KIT: variants seen among roughly 807,000 people sequenced by gnomAD.
KIT encodes the protein mast/stem cell growth factor receptor Kit.
In KIT, 16 loss-of-function variants were observed where a neutral mutation model predicts 105.7. That is an observed-to-expected ratio of 0.15 (90% CI 0.10 to 0.23). The LOEUF (loss-of-function observed/expected upper bound fraction) is 0.23. Ranked by LOEUF, KIT falls within the 10% of genes least tolerant of loss-of-function variation. The pLI is 1.00. For synonymous variants in KIT, 438 were observed against 441.1 expected, an observed-to-expected ratio of 0.99 and a Z score of 0.09; for missense variants, 858 against 1,213.8, an observed-to-expected ratio of 0.71 and a Z score of 4.36.
chr4:54,724,455 G>T (rs4864920), intron 8 of KIT, among the ~76,000 whole-genome samples: 46,616 of 152,018 alleles, frequency 0.31, 9,369 homozygotes, highest in African/African-American at 0.57. Context: ...TTCAGCTGGG[G>T]TTTAGGAGAG....
At chr4:54,658,875 G>T (rs1474481456) in intron 1 of KIT, among the ~76,000 whole-genome samples, 1 of 152,174 alleles carries the variant, frequency 6.6e-6, no homozygotes, top group African/African-American at 2.4e-5. Flanking sequence ...CCTTTCTGCC[G>T]CGGCGCCGTT....
At chr4:54,722,377 T>G (rs1365528162) in intron 7 of KIT, among the ~76,000 whole-genome samples, 1 of 152,136 alleles carries the variant, frequency 6.6e-6, no homozygotes, top group Non-Finnish European at 1.5e-5. Context: ...TCAATATCCC[T>G]ATGAGAGGGG....
At chr4:54,716,028 C>A (rs1721470344) in intron 7 of KIT, among the ~76,000 whole-genome samples, 1 of 152,106 alleles carries the variant, frequency 6.6e-6, no homozygotes, top group Non-Finnish European at 1.5e-5. Flanking sequence ...TTTTTCTTTC[C>A]ATTTTTTAAA....
intron 1 of KIT, among the ~76,000 whole-genome samples, chr4:54,689,821 C>T (rs949278003): frequency 9.9e-5 from 15 of 152,184 alleles, no homozygotes; most frequent in African/African-American, 3.6e-4. Context: ...TCCAGAACTT[C>T]TTCATATCCC....
chr4:54,697,161 A>G (rs1430262855), intron 2 of KIT, among the ~76,000 whole-genome samples: 1 of 152,228 alleles, frequency 6.6e-6, no homozygotes, highest in Admixed American at 6.5e-5. Flanking sequence ...AAGAGTAGAT[A>G]AAACAGTAAC....
rs568598585 is a variant in KIT at position 54,658,759 on chromosome 4, C to T, written c.67+678C>T. Among the ~76,000 whole-genome samples the T allele has an allele frequency of 2.4e-4, 37 of 152,248 alleles. 1 individual carries two copies. The South Asian group carries it at 7.7e-3, about 32-fold the overall frequency. ...GGCGTGGGGCTGTTGTGGGGCCGGA[C>T]TCCCGCGAGCCTGGAGGTGGTGGCG... is the stretch of plus-strand genomic sequence containing the variant. On this transcript the variant is annotated intron_variant, in intron 1 of 20. Coordinates refer to ENST00000288135, the MANE Select transcript of KIT (RefSeq NM_000222.3).
rs375833392 is a variant in KIT at position 54,738,506 on chromosome 4, C to T, written c.2880C>T (p.Val960=). ...VVDHSVRINS[V]GSTASSSQPL... ...ACCATTCTGTGCGGATCAATTCTGT[C>T]GGCAGCACCGCTTCCTCCTCCCAGC... The change falls in exon 21 of 21, where the codon GTC becomes GTT. Residue 960 remains valine (V), a synonymous_variant. Coordinates refer to ENST00000288135, the MANE Select transcript of KIT (RefSeq NM_000222.3). The T allele has an allele frequency of 1.7e-5, 27 of 1,613,980 alleles. No individual in the cohort carries two copies. Among genetic ancestry groups the T allele is most frequent in the Non-Finnish European group, 1.9e-5 (22 of 1,180,016 alleles).
rs867022370 is a variant in KIT at position 54,728,114 on chromosome 4, C to T, written c.1983C>T (p.Thr661=). ...MNIVNLLGAC[T]IGGPTLVITE... ...TTGTGAATCTACTTGGAGCCTGCAC[C>T]ATTGGAGGTAAAGCCGTGTCCAAGC... The change falls in exon 13 of 21, where the codon ACC becomes ACT. Residue 661 remains threonine (T), a synonymous_variant. Transcript: ENST00000288135. 3.7e-6 allele frequency: 6 copies of T among 1,608,462 alleles called. No homozygotes were observed. The South Asian group carries it at 4.4e-5, about 12-fold the overall frequency.
At chr4:54,668,130 A>G (rs565806561) in intron 1 of KIT, among the ~76,000 whole-genome samples, 3 of 152,358 alleles carry the variant, frequency 2.0e-5, no homozygotes, top group East Asian at 3.9e-4. Context: ...GGTTTGGAAC[A>G]TCTTGAGATT....
intron 9 of KIT, 38 bp downstream of exon 9, chr4:54,726,088 G>C (rs1722201741): frequency 6.6e-7 from 1 of 1,518,516 alleles, no homozygotes; most frequent in Admixed American, 1.7e-5. Context: ...GGGATGTTTA[G>C]GCTCTGTCTA....
intron 7 of KIT, among the ~76,000 whole-genome samples, chr4:54,720,678 C>T (rs527626142): frequency 6.6e-6 from 1 of 152,146 alleles, no homozygotes; most frequent in Non-Finnish European, 1.5e-5. Context: ...GCCTTTCCTC[C>T]GCCTATTAAG....
chr4:54,696,823 C>G (rs913425280), intron 2 of KIT, among the ~76,000 whole-genome samples: 1 of 152,226 alleles, frequency 6.6e-6, no homozygotes, highest in African/African-American at 2.4e-5. Flanking sequence ...AGAGATATAC[C>G]CTGGTAAGTC....
intron 7 of KIT, among the ~76,000 whole-genome samples, chr4:54,710,504 T>G (rs1252029627): frequency 1.3e-5 from 2 of 152,170 alleles, no homozygotes; most frequent in African/African-American, 4.8e-5. Flanking sequence ...GCCAATTCCT[T>G]GTCTTGAAGG....
chr4:54,688,853 G>A (rs1160052322), intron 1 of KIT, among the ~76,000 whole-genome samples: 3 of 152,048 alleles, frequency 2.0e-5, no homozygotes, highest in African/African-American at 7.3e-5. Context: ...TTCCTGCTCT[G>A]CTTCCCCAAA....
At chr4:54,704,185 AT>A (rs1242849755) in intron 5 of KIT, among the ~76,000 whole-genome samples, 4 of 152,342 alleles carry the variant, frequency 2.6e-5, no homozygotes, top group African/African-American at 7.2e-5. Context: ...TTTTTCAAAA[AT>A]GCTAGTGCTC....
chr4:54,728,268 C>T (rs1038568101), intron 13 of KIT, 147 bp downstream of exon 13: 2 of 716,108 alleles, frequency 2.8e-6, no homozygotes, highest in African/African-American at 3.5e-5. Flanking sequence ...TTTTGTTTTC[C>T]TCATTGTTCT....
chr4:54,675,388 G>A (rs556673966), intron 1 of KIT, among the ~76,000 whole-genome samples: 93 of 152,296 alleles, frequency 6.1e-4, no homozygotes, highest in African/African-American at 2.2e-3. Flanking sequence ...AGGGCTGGTC[G>A]TTAAGAATTC....
intron 17 of KIT, among the ~76,000 whole-genome samples, chr4:54,735,807 T>G (rs1013060493): frequency 6.6e-6 from 1 of 151,970 alleles, no homozygotes; most frequent in African/African-American, 2.4e-5. Flanking sequence ...AGTCTAGGAG[T>G]AGACTTTATA....
intron 8 of KIT, 151 bp downstream of exon 8, chr4:54,723,849 T>G: frequency 1.6e-6 from 1 of 643,680 alleles, no homozygotes; most frequent in Non-Finnish European, 2.8e-6. Flanking sequence ...GAAGGGATAA[T>G]TGCTATATTT....
Sources: allele counts gnomAD v4.1 joint callset (sites outside exome capture counted in the v4.1 genomes callset), GRCh38; gene constraint gnomAD v4.1.1; transcripts MANE v1.5; gene names NCBI Gene and HGNC (gene_info 2026-07-23, HGNC 2026-07-21).